KCNK13: variants seen among roughly 807,000 people sequenced by gnomAD.
KCNK13 encodes the protein potassium two pore domain channel subfamily K member 13, also known as potassium channel subfamily K member 13.
KCNK13 carries 12 observed loss-of-function variants against 23.4 expected under a neutral mutation model. That is an observed-to-expected ratio of 0.51 (90% CI 0.33 to 0.83). The LOEUF (loss-of-function observed/expected upper bound fraction) is 0.83, where lower values mean the gene tolerates loss of function less well. Ranked by LOEUF, KCNK13 falls within the 40% of genes least tolerant of loss-of-function variation. The pLI, the probability that KCNK13 is intolerant of heterozygous loss-of-function variation, is 0.02. For missense variants in KCNK13, 463 were observed against 556.3 expected, an observed-to-expected ratio of 0.83 and a Z score of 1.69; for synonymous variants, 231 against 229.5, an observed-to-expected ratio of 1.01 and a Z score of -0.06.
intron 1 of KCNK13, among the ~76,000 whole-genome samples, chr14:90,131,149 C>T (rs1029526196): frequency 6.6e-6 from 1 of 152,176 alleles, no homozygotes; most frequent in East Asian, 1.9e-4. Context: ...TCCATTCAAA[C>T]ACATTTTATA....
chr14:90,181,348 T>C (rs1890483279), intron 1 of KCNK13, among the ~76,000 whole-genome samples: 1 of 152,212 alleles, frequency 6.6e-6, no homozygotes, highest in African/African-American at 2.4e-5. Flanking sequence ...GATCAAGGCA[T>C]CAGCAGGTTG....
chr14:90,108,223 C>A (rs1889569808), intron 1 of KCNK13, among the ~76,000 whole-genome samples: 1 of 152,174 alleles, frequency 6.6e-6, no homozygotes, highest in South Asian at 2.1e-4. Flanking sequence ...AAGATTGTGA[C>A]AAGTTCTGGC....
intron 1 of KCNK13, among the ~76,000 whole-genome samples, chr14:90,106,186 A>C (rs533135504): frequency 2.0e-4 from 31 of 152,334 alleles, no homozygotes; most frequent in African/African-American, 6.5e-4. Context: ...GCTCGGTGCC[A>C]TAAGGCCTCA....
chr14:90,062,230 G>A lies in KCNK13; in HGVS notation c.25G>A (p.Gly9Ser). Residue 9 changes from glycine (G) to serine (S), a missense_variant, in exon 1 of 2, where the codon GGC (glycine) becomes AGC (serine). By Grantham distance (56) the Gly-to-Ser change is moderately conservative (BLOSUM62 0). Transcript: ENST00000282146. The surrounding 1 kb of genome is among the most constrained non-coding windows in gnomAD (Gnocchi z 4.5). Reference sequence around the variant, plus strand: ...CATGGCTGGCCGGGGTTTCAGCTGGGGCCCGGGCCACCTGAACGAGGACAA... The same window carrying A: ...CATGGCTGGCCGGGGTTTCAGCTGGAGCCCGGGCCACCTGAACGAGGACAA... MAGRGFSWGPGHLNEDNAR... is the reference protein window; with the variant it reads MAGRGFSWSPGHLNEDNAR... 1 of 1,504,830 alleles carries A rather than the reference G, an allele frequency of 6.6e-7. No homozygotes were observed. Among genetic ancestry groups the A allele is most frequent in the East Asian group, 2.6e-5 (1 of 39,032 alleles). The allele number at this position is 1,504,830 out of a possible 1,614,324, so 93.2% of individuals were successfully genotyped here. A position where few individuals can be genotyped will look rare whatever the true frequency, so the allele number is the denominator to read the frequency against.
chr14:90,148,788 T>C (rs1890102492), intron 1 of KCNK13, among the ~76,000 whole-genome samples: 1 of 152,252 alleles, frequency 6.6e-6, no homozygotes, highest in African/African-American at 2.4e-5. Context: ...TCATATTCGC[T>C]CTGCTAATCA....
At position 90,184,432 on chromosome 14, in the gene KCNK13, T is replaced by C. The variant is rs140825747; in HGVS notation, c.656T>C (p.Ile219Thr). The C allele has an allele frequency of 2.5e-5, 40 of 1,614,118 alleles. No homozygotes were observed. The highest frequency in any genetic ancestry group is 2.2e-5 in the East Asian group (1 of 44,884). Reference sequence around the variant, plus strand: ...TGCGCCTCAGCCATGTACACCCCCATTGAAGGCTGGAGCTACTTTGACTCA... The same window carrying C: ...TGCGCCTCAGCCATGTACACCCCCACTGAAGGCTGGAGCTACTTTGACTCA... ...SCCASAMYTPIEGWSYFDSLY... is the reference protein window; with the variant it reads ...SCCASAMYTPTEGWSYFDSLY... The change falls in exon 2 of 2, where the codon ATT (isoleucine) becomes ACT (threonine). Residue 219 changes from isoleucine to threonine, a missense_variant. Coordinates refer to ENST00000282146, the MANE Select transcript of KCNK13 (RefSeq NM_022054.4). This position sits in a 1 kb window ranked among gnomAD's most constrained non-coding sequence, Gnocchi z 5.6.
chr14:90,180,216 C>A (rs1015879009), intron 1 of KCNK13, among the ~76,000 whole-genome samples: 3 of 152,112 alleles, frequency 2.0e-5, no homozygotes, highest in Non-Finnish European at 1.5e-5. Context: ...ACTAATAATA[C>A]CCAGCTCCCC....
At chr14:90,094,433 T>C (rs1152443) in intron 1 of KCNK13, among the ~76,000 whole-genome samples, 114,686 of 151,934 alleles carry the variant, frequency 0.75, 43,770 homozygotes, top group African/African-American at 0.87. Flanking sequence ...ATCTATGAGT[T>C]AACTTCAGAG....
rs537291822 is a variant in KCNK13 at position 90,078,044 on chromosome 14, A to C, written c.334+15505A>C. Among the ~76,000 whole-genome samples, 144 of 152,350 alleles carry C rather than the reference A, an allele frequency of 9.5e-4. 1 individual carries two copies. Among genetic ancestry groups the C allele is most frequent in the African/African-American group, 2.9e-3 (119 of 41,582 alleles). On this transcript the variant is annotated intron_variant, in intron 1 of 1. Transcript: ENST00000282146. ...CTGATATTTGGAATAGAGACACGCT[A>C]TACTATTTCTCAACCTACCATATTT...
At chr14:90,085,378 G>T (rs1373349394) in intron 1 of KCNK13, among the ~76,000 whole-genome samples, 1 of 151,786 alleles carries the variant, frequency 6.6e-6, no homozygotes, top group Non-Finnish European at 1.5e-5. Flanking sequence ...AAAGAAATAG[G>T]CCGGGCATAG....
chr14:90,094,963 A>G (rs1002636230), intron 1 of KCNK13, among the ~76,000 whole-genome samples: 1 of 152,124 alleles, frequency 6.6e-6, no homozygotes. Context: ...GGACTTTTCT[A>G]AGAATTAAAG....
chr14:90,102,795 G>A (rs1889497447), intron 1 of KCNK13, among the ~76,000 whole-genome samples: 1 of 152,138 alleles, frequency 6.6e-6, no homozygotes, highest in African/African-American at 2.4e-5. Flanking sequence ...TTTTAGTTCT[G>A]TTAACATTCT....
At chr14:90,094,649 T>TTC (rs1889387223) in intron 1 of KCNK13, among the ~76,000 whole-genome samples, 1 of 79,068 alleles carries the variant, frequency 1.3e-5, no homozygotes, top group African/African-American at 6.9e-5. Context: ...TTTTTTCTTT[T>TTC]TTTTTTTTTT....
Position 90,062,485 on chromosome 14 carries a change from C to CCT in KCNK13, c.280_281insCT (p.Arg94ProfsTer19). The CCT allele has an allele frequency of 6.5e-7, 1 of 1,543,214 alleles. No homozygotes were observed. Among genetic ancestry groups the CCT allele is most frequent in the Non-Finnish European group, 8.7e-7 (1 of 1,144,864 alleles). ...CATCCGCGTGGACAACGTCCGCCCG[C>CCT]GCTGGGACTTCACCGGCGCCTTCTA... On this transcript the variant is annotated frameshift_variant, in exon 1 of 2. Transcript: ENST00000282146. LOFTEE classifies it high-confidence loss of function. The surrounding 1 kb of genome is among the most constrained non-coding windows in gnomAD (Gnocchi z 4.5).
chr14:90,091,213 T>C (rs1287895194), intron 1 of KCNK13, among the ~76,000 whole-genome samples: 2 of 152,242 alleles, frequency 1.3e-5, no homozygotes, highest in African/African-American at 2.4e-5. Flanking sequence ...AGTTTGATCA[T>C]GGAGCAGTCA....
At chr14:90,122,858 T>C (rs1210173720) in intron 1 of KCNK13, among the ~76,000 whole-genome samples, 1 of 152,216 alleles carries the variant, frequency 6.6e-6, no homozygotes, top group African/African-American at 2.4e-5. Flanking sequence ...TAAGCCTTCA[T>C]ATCCAAATCA....
chr14:90,063,853 C>CGAGGCAGAGGACCAGTAT (rs1290394737), intron 1 of KCNK13, among the ~76,000 whole-genome samples: 1 of 152,162 alleles, frequency 6.6e-6, no homozygotes, highest in Non-Finnish European at 1.5e-5. Flanking sequence ...GCACAGGAGG[C>CGAGGCAGAGGACCAGTAT]GAGGCAGAGG....
rs1889159836 is a variant in KCNK13, at chr14:90,077,960, A to G, written c.334+15421A>G. On this transcript the variant is annotated intron_variant, in intron 1 of 1. Transcript: ENST00000282146. ...TTAGGCTACATTTATCATTTTCCTC[A>G]GTAAAGCCTGTCTTATTCCTTCTAG... Among the ~76,000 whole-genome samples, 3 of 152,192 alleles carry G rather than the reference A, an allele frequency of 2.0e-5. No individual in the cohort carries two copies. In the South Asian group the frequency reaches 6.2e-4, roughly 32 times the overall value.
rs1383330125 is a variant in KCNK13, at chr14:90,137,787, T to A, written c.335-46324T>A. 6.6e-5 allele frequency among the ~76,000 whole-genome samples: 10 copies of A among 152,242 alleles called. No homozygotes were observed. In the East Asian group the frequency reaches 1.9e-3, roughly 29 times the overall value. On this transcript the variant is annotated intron_variant, in intron 1 of 1. Transcript: ENST00000282146. ...TAGAACTGCAAATGTCAGAATTTATTTTCCTACTCAGTGGTTTGATAAAAT... is the reference window on the plus strand; with the variant it reads ...TAGAACTGCAAATGTCAGAATTTATATTCCTACTCAGTGGTTTGATAAAAT...
Sources: gnomAD v4.1 joint callset for allele counts (sites outside exome capture counted in the v4.1 genomes callset) on GRCh38, gnomAD v4.1.1 for gene constraint, Gnocchi (gnomAD v3.1) non-coding constraint, MANE v1.5 for transcripts, NCBI Gene and HGNC (gene_info 2026-07-23, HGNC 2026-07-21) for gene names.